The following COL8A1 variants were observed in gnomAD, a reference collection of about 807,000 sequenced individuals.
COL8A1 encodes collagen alpha-1(VIII) chain.
A neutral mutation model predicts 42.7 loss-of-function variants in COL8A1; 21 were observed. The observed-to-expected ratio is 0.49, with a 90% CI of 0.35 to 0.71. The LOEUF (loss-of-function observed/expected upper bound fraction) is 0.71, where lower values mean the gene tolerates loss of function less well. Ranked by LOEUF, COL8A1 falls within the 30% of genes least tolerant of loss-of-function variation. The pLI, the probability that COL8A1 is intolerant of heterozygous loss-of-function variation, is 0.01. For missense variants in COL8A1, 788 were observed against 962.4 expected (o/e 0.82, Z 2.40); for synonymous variants, 367 against 369.1 (o/e 0.99, Z 0.06).
chr3:99,692,111 CTG>C (rs1939237849), intron 1 of COL8A1, among the ~76,000 whole-genome samples: 1 of 152,092 alleles, frequency 6.6e-6, no homozygotes, highest in African/African-American at 2.4e-5. Flanking sequence ...CCTCTTTCCT[CTG>C]TCTCTCACCA....
chr3:99,713,409 G>T (rs1939902519), intron 1 of COL8A1, among the ~76,000 whole-genome samples: 2 of 152,198 alleles, frequency 1.3e-5, no homozygotes, highest in South Asian at 4.1e-4. Context: ...CTTGCTAGAT[G>T]CCAGATGCTC....
intron 2 of COL8A1, among the ~76,000 whole-genome samples, chr3:99,762,218 T>C (rs1941378122): frequency 6.6e-6 from 1 of 152,224 alleles, no homozygotes; most frequent in Non-Finnish European, 1.5e-5. Context: ...GCTGCTCTGT[T>C]TCTTGAGCAC....
chr3:99,650,615 A>G (rs553109341), intron 1 of COL8A1, among the ~76,000 whole-genome samples: 5 of 151,922 alleles, frequency 3.3e-5, no homozygotes, highest in African/African-American at 1.2e-4. Flanking sequence ...TTGTATTTTA[A>G]TAGAGACAGG....
intron 1 of COL8A1, among the ~76,000 whole-genome samples, chr3:99,662,982 T>A (rs2107303506): frequency 6.6e-6 from 1 of 152,186 alleles, no homozygotes; most frequent in Non-Finnish European, 1.5e-5. Flanking sequence ...AGATATCATG[T>A]TTTCACTCCC....
chr3:99,654,082 G>A (rs1937938366), intron 1 of COL8A1, among the ~76,000 whole-genome samples: 1 of 152,170 alleles, frequency 6.6e-6, no homozygotes, highest in South Asian at 2.1e-4. Context: ...GTAAGTCCAA[G>A]ACTCCAAAAG....
At chr3:99,641,660 T>C (rs1937510052) in intron 1 of COL8A1, among the ~76,000 whole-genome samples, 1 of 152,228 alleles carries the variant, frequency 6.6e-6, no homozygotes. Flanking sequence ...CCATGGTTAC[T>C]CACTTTGGTA....
chr3:99,756,806 A>G (rs1404921940), intron 2 of COL8A1, among the ~76,000 whole-genome samples: 1 of 152,238 alleles, frequency 6.6e-6, no homozygotes, highest in Non-Finnish European at 1.5e-5. Context: ...CAAACGTCTT[A>G]GCCAAAATCA....
In COL8A1 at chr3:99,762,460, TA is replaced by T. The variant is rs757910674; in HGVS notation, c.-4+17442del. Among the ~76,000 whole-genome samples the T allele has an allele frequency of 2.9e-3, 437 of 152,124 alleles. 1 individual carries two copies. The highest frequency in any genetic ancestry group is 4.6e-3 in the Non-Finnish European group (314 of 68,016). ...TATGTCTTCATATCAAGCTGGGAGGTAAAGTTCAAATTTTCAGACTCTTTGG... is the reference window on the plus strand; with the variant it reads ...TATGTCTTCATATCAAGCTGGGAGGTAAGTTCAAATTTTCAGACTCTTTGG... On this transcript the variant is annotated intron_variant, in intron 2 of 3. Coordinates refer to ENST00000652472, the MANE Select transcript of COL8A1 (RefSeq NM_020351.4).
At chr3:99,738,562 G>A (rs573344118) in intron 1 of COL8A1, among the ~76,000 whole-genome samples, 1 of 152,368 alleles carries the variant, frequency 6.6e-6, no homozygotes, top group African/African-American at 2.4e-5. Flanking sequence ...GGACCCACTT[G>A]AGGAGGCAGT....
At chr3:99,752,093 A>G (rs1941162223) in intron 2 of COL8A1, among the ~76,000 whole-genome samples, 1 of 152,150 alleles carries the variant, frequency 6.6e-6, no homozygotes, top group African/African-American at 2.4e-5. Context: ...TCCCCTGCAA[A>G]TAGATACTTA....
chr3:99,719,006 G>A (rs1448843410), intron 1 of COL8A1, among the ~76,000 whole-genome samples: 2 of 151,958 alleles, frequency 1.3e-5, no homozygotes, highest in Admixed American at 6.6e-5. Flanking sequence ...AACACTCTGG[G>A]TTTGCATTCT....
At chr3:99,703,038 G>A (rs1464182992) in intron 1 of COL8A1, among the ~76,000 whole-genome samples, 5 of 152,146 alleles carry the variant, frequency 3.3e-5, no homozygotes, top group Non-Finnish European at 5.9e-5. Flanking sequence ...AGTAAGCAAG[G>A]GGGAAGAATG....
intron 1 of COL8A1, among the ~76,000 whole-genome samples, chr3:99,661,923 G>C (rs538010539): frequency 2.4e-4 from 36 of 152,292 alleles, no homozygotes; most frequent in African/African-American, 8.7e-4. Context: ...CAAATTTATG[G>C]ATAGAGAAAG....
chr3:99,715,324 G>A (rs892403039), intron 1 of COL8A1, among the ~76,000 whole-genome samples: 2 of 152,014 alleles, frequency 1.3e-5, no homozygotes, highest in South Asian at 2.1e-4. Flanking sequence ...TATTAGTGAA[G>A]ACAGTAAGAG....
intron 1 of COL8A1, among the ~76,000 whole-genome samples, chr3:99,736,029 G>C (rs1480162087): frequency 5.1e-5 from 5 of 97,376 alleles, no homozygotes; most frequent in Middle Eastern, 5.0e-3. Flanking sequence ...GCATCTATTT[G>C]ATTCTTCTCT....
At chr3:99,701,902 A>G (rs1013415389) in intron 1 of COL8A1, among the ~76,000 whole-genome samples, 7 of 152,202 alleles carry the variant, frequency 4.6e-5, no homozygotes, top group African/African-American at 1.7e-4. Flanking sequence ...TGAAAAACTT[A>G]ATTAGAAAGT....
At chr3:99,780,834 G>T (rs1941780810) in intron 2 of COL8A1, among the ~76,000 whole-genome samples, 1 of 152,046 alleles carries the variant, frequency 6.6e-6, no homozygotes, top group Non-Finnish European at 1.5e-5. Context: ...TTTCCTCCCA[G>T]ACACCACATC....
chr3:99,641,201 G>C (rs1426637509), intron 1 of COL8A1, among the ~76,000 whole-genome samples: 1 of 152,160 alleles, frequency 6.6e-6, no homozygotes. Flanking sequence ...AATCACAGAA[G>C]TGCCCTAGGA....
chr3:99,653,407 G>A (rs1047079484), intron 1 of COL8A1, among the ~76,000 whole-genome samples: 5 of 152,020 alleles, frequency 3.3e-5, no homozygotes, highest in South Asian at 4.2e-4. Flanking sequence ...TGGGTGGGGG[G>A]TTGTGTTTTG....
Sources: allele counts gnomAD v4.1 joint callset (sites outside exome capture counted in the v4.1 genomes callset), GRCh38; gene constraint gnomAD v4.1.1; transcripts MANE v1.5; gene names NCBI Gene and HGNC (gene_info 2026-07-23, HGNC 2026-07-21).